Variants in EFHC1 observed in about 807,000 individuals in gnomAD.
EFHC1 encodes the protein EF-hand domain-containing protein 1.
In EFHC1, 53 loss-of-function variants were observed where a neutral mutation model predicts 69.9. The observed-to-expected ratio is 0.76, with a 90% confidence interval of 0.61 to 0.95. The LOEUF (loss-of-function observed/expected upper bound fraction) is 0.95. Among genes scored for constraint, EFHC1 ranks in the 40% least tolerant of loss-of-function variants. The pLI, the probability that EFHC1 is intolerant of heterozygous loss-of-function variation, is 0.00. For missense variants in EFHC1, 739 were observed against 798.7 expected (o/e 0.93, Z 0.90); for synonymous variants, 256 against 278.4 (o/e 0.92, Z 0.80).
chr6:52,477,048 A>C (rs1765558188), intron 7 of EFHC1, among the ~76,000 whole-genome samples: 1 of 152,134 alleles, frequency 6.6e-6, no homozygotes, highest in African/African-American at 2.4e-5. Context: ...AATAAAGACA[A>C]TAATTTTTTT....
At chr6:52,447,487 G>T (rs556990595) in intron 3 of EFHC1, among the ~76,000 whole-genome samples, 25 of 152,170 alleles carry the variant, frequency 1.6e-4, no homozygotes, top group African/African-American at 5.8e-4. Context: ...AAGGTTTTTA[G>T]CTTCTTTGCG....
At chr6:52,485,354 A>C (rs1237440112) in intron 9 of EFHC1, 1 of 152,202 alleles carries the variant, frequency 6.6e-6, no homozygotes, top group African/African-American at 2.4e-5. Context: ...TAAGTTTTTT[A>C]AAATGTAGTA....
chr6:52,444,652 G>A (rs998230468), intron 3 of EFHC1, among the ~76,000 whole-genome samples: 1 of 152,178 alleles, frequency 6.6e-6, no homozygotes, highest in African/African-American at 2.4e-5. Flanking sequence ...CTTGATCGTG[G>A]TGGATAGGCT....
intron 7 of EFHC1, among the ~76,000 whole-genome samples, chr6:52,470,292 CA>C (rs1179877274): frequency 6.6e-6 from 1 of 151,942 alleles, no homozygotes; most frequent in Non-Finnish European, 1.5e-5. Context: ...TTTAAGAAAA[CA>C]ACAAAACAGC....
At chr6:52,457,971 C>T (rs1765081232) in intron 5 of EFHC1, among the ~76,000 whole-genome samples, 2 of 152,058 alleles carry the variant, frequency 1.3e-5, no homozygotes, top group South Asian at 2.1e-4. Context: ...TACTATAAGC[C>T]CCATATCTCA....
At chr6:52,477,289 A>C (rs1183586645) in intron 7 of EFHC1, among the ~76,000 whole-genome samples, 1 of 152,224 alleles carries the variant, frequency 6.6e-6, no homozygotes. Flanking sequence ...AGACTATTAG[A>C]TGAAGGAATG....
chr6:52,438,164 A>G, intron 2 of EFHC1, 140 bp from the exon 3 acceptor site: 2 of 834,018 alleles, frequency 2.4e-6, no homozygotes, highest in Non-Finnish European at 3.8e-6. Flanking sequence ...GTAGTTTTAG[A>G]GTATCAAGAT....
At position 52,493,941 on chromosome 6, in the gene EFHC1, AC is replaced by A. The variant is rs1765979502; in HGVS notation, c.*1601del. 6.6e-6 allele frequency: 3 copies of A among 454,070 alleles called. No homozygotes were observed. The highest frequency in any genetic ancestry group is 2.0e-5 in the African/African-American group (1 of 50,128). 28.1% of individuals were successfully genotyped at this position (454,070 alleles called of 1,614,324 possible). On this transcript the variant is annotated 3_prime_UTR_variant, in exon 11 of 11. Coordinates refer to ENST00000371068, the MANE Select transcript of EFHC1 (RefSeq NM_018100.4). Reference sequence around the variant, plus strand: ...ACTTCCCTTGGTGTTTCCTTCCCTAACGAGCTCAGCCACTTGTAACCAGCTT... The same window carrying A: ...ACTTCCCTTGGTGTTTCCTTCCCTAAGAGCTCAGCCACTTGTAACCAGCTT...
At chr6:52,438,691 T>C in intron 3 of EFHC1, 100 bp downstream of exon 3, 1 of 1,289,986 alleles carries the variant, frequency 7.8e-7, no homozygotes, top group Non-Finnish European at 1.1e-6. Flanking sequence ...ACATTGGTAA[T>C]CTGTCCTGCA....
rs112800954 is a variant in EFHC1 at position 52,438,502 on chromosome 6, C to T, written c.484C>T (p.His162Tyr). ...GCTAGCCAAGAATGACCGGGGTGAC[C>T]ATTACCATTGGAAAGACCTAAATCG... The part of the protein sequence containing the change: ...QRLAKNDRGD[H>Y]YHWKDLNRGI... Residue 162 changes from histidine to tyrosine, a missense_variant, in exon 3 of 11, where the codon CAT becomes TAT. Transcript: ENST00000371068. 50 of 1,614,022 alleles carry T rather than the reference C, an allele frequency of 3.1e-5. No homozygotes were observed. The African/African-American group carries it at 4.4e-4, about 14-fold the overall frequency.
intron 9 of EFHC1, among the ~76,000 whole-genome samples, chr6:52,484,920 G>T (rs981314672): frequency 2.0e-5 from 3 of 151,866 alleles, no homozygotes; most frequent in African/African-American, 7.3e-5. Flanking sequence ...TCAATAAAAT[G>T]AATATGAAAT....
In EFHC1 at chr6:52,492,541, A is replaced by G. The variant is rs934078510; in HGVS notation, c.*200A>G. ...GTGCCTTATTTAGGGTGATAGGGGT[A>G]TAGCAATGTCTAATTTTGTGTGTCA... On this transcript the variant is annotated 3_prime_UTR_variant, in exon 11 of 11. Transcript: ENST00000371068. 2.8e-5 allele frequency: 19 copies of G among 688,882 alleles called. No individual in the cohort carries two copies. The African/African-American group carries it at 3.3e-4, about 12-fold the overall frequency. 42.7% of individuals were successfully genotyped at this position (688,882 alleles called of 1,614,324 possible). A position where few individuals can be genotyped will look rare whatever the true frequency, so the allele number is the denominator to read the frequency against.
At chr6:52,474,061 A>G (rs1765494102) in intron 7 of EFHC1, among the ~76,000 whole-genome samples, 1 of 151,524 alleles carries the variant, frequency 6.6e-6, no homozygotes, top group Non-Finnish European at 1.5e-5. Context: ...AGTGATTCAC[A>G]CCTGTTTTCC....
intron 2 of EFHC1, among the ~76,000 whole-genome samples, chr6:52,425,593 C>A (rs1049964284): frequency 3.3e-5 from 5 of 152,016 alleles, no homozygotes; most frequent in Admixed American, 6.6e-5. Flanking sequence ...TAATTCATTT[C>A]TTTAAGGATA....
At chr6:52,441,534 A>C (rs916686283) in intron 3 of EFHC1, among the ~76,000 whole-genome samples, 2 of 152,042 alleles carry the variant, frequency 1.3e-5, no homozygotes, top group African/African-American at 4.8e-5. Flanking sequence ...GGCAGGTAAC[A>C]TGATGCCTCC....
At position 52,424,050 on chromosome 6, in the gene EFHC1, G is replaced by A. The variant is rs1447071716; in HGVS notation, c.168G>A (p.Gln56=). ...GIGGDRLQFN[Q]LSQAELDELA... is the part of the protein sequence containing the mutation. ...GCGGAGACCGGCTCCAGTTCAACCA[G>A]CTGTCCCAGGCTGAGCTGGATGAGT... Residue 56 remains glutamine, a synonymous_variant, in exon 2 of 11, where the codon CAG becomes CAA. Transcript: ENST00000371068. 6.2e-7 allele frequency: 1 copy of A among 1,614,040 alleles called. No homozygotes were observed. Among genetic ancestry groups the A allele is most frequent in the Non-Finnish European group, 8.5e-7 (1 of 1,180,026 alleles).
chr6:52,462,885 C>CAAA (rs777016070), intron 5 of EFHC1, among the ~76,000 whole-genome samples: 4,237 of 85,240 alleles, frequency 0.05, 120 homozygotes, highest in Non-Finnish European at 0.085. Flanking sequence ...AAGACTGTCT[C>CAAA]AAAAAAAAAA....
chr6:52,421,441 T>TA (rs768565182), intron 1 of EFHC1, among the ~76,000 whole-genome samples: 18 of 152,056 alleles, frequency 1.2e-4, no homozygotes, highest in South Asian at 4.1e-4. Context: ...TTTTTTTTTT[T>TA]AAACTCTTGC....
intron 5 of EFHC1, among the ~76,000 whole-genome samples, chr6:52,455,579 G>A (rs988745117): frequency 3.9e-5 from 6 of 152,072 alleles, no homozygotes; most frequent in Admixed American, 6.5e-5. Context: ...GTTTGAACCC[G>A]GGAGGTGGAG....
Sources: gnomAD v4.1 joint callset for allele counts (sites outside exome capture counted in the v4.1 genomes callset) on GRCh38, gnomAD v4.1.1 for gene constraint, MANE v1.5 for transcripts, NCBI Gene and HGNC (gene_info 2026-07-23, HGNC 2026-07-21) for gene names.